IQSEC3: variants seen among roughly 807,000 people sequenced by gnomAD.
IQSEC3 encodes the protein IQ motif and SEC7 domain-containing protein 3.
A neutral mutation model predicts 105.4 loss-of-function variants in IQSEC3; 50 were observed. That is an observed-to-expected ratio of 0.47 (90% CI 0.38 to 0.60). The LOEUF is 0.60. Ranked by LOEUF, IQSEC3 falls within the 20% of genes least tolerant of loss-of-function variation. The pLI, the probability that IQSEC3 is intolerant of heterozygous loss-of-function variation, is 0.00. For synonymous variants in IQSEC3, 708 were observed against 746.0 expected, an observed-to-expected ratio of 0.95 and a Z score of 0.83; for missense variants, 1,415 against 1,630.0, an observed-to-expected ratio of 0.87 and a Z score of 2.27.
At position 138,719 on chromosome 12, in the gene IQSEC3, G is replaced by A. The variant is rs1565425990; in HGVS notation, c.1356G>A (p.Glu452=). The A allele has an allele frequency of 1.3e-6, 2 of 1,503,682 alleles. No individual in the cohort carries two copies. Among genetic ancestry groups the A allele is most frequent in the East Asian group, 2.5e-5 (1 of 40,354 alleles). 93.1% of individuals were successfully genotyped at this position (1,503,682 alleles called of 1,614,324 possible). Residue 452 remains glutamate, a synonymous_variant, in exon 4 of 14, where the codon GAG becomes GAA. Transcript: ENST00000538872. This position sits in a 1 kb window ranked among gnomAD's most constrained non-coding sequence, Gnocchi z 7.1. The part of the protein sequence containing the change: ...AAAGPPGLEA[E]GRAPESAGPG... ...CGGGGCCCCCAGGCCTGGAGGCCGA[G>A]GGGCGGGCGCCGGAGAGCGCGGGCC...
chr12:69,837 G>A (rs1863241337), intron 1 of IQSEC3, among the ~76,000 whole-genome samples: 1 of 152,234 alleles, frequency 6.6e-6, no homozygotes, highest in African/African-American at 2.4e-5. Flanking sequence ...TCTGCCCGTG[G>A]CCCGTTTTGT....
intron 7 of IQSEC3, among the ~76,000 whole-genome samples, chr12:161,038 C>T (rs568315729): frequency 2.8e-4 from 42 of 152,280 alleles, no homozygotes; most frequent in African/African-American, 9.4e-4. Context: ...TCCTTGGCTG[C>T]TGCATGGCTC....
At chr12:136,395 C>G (rs533590092) in intron 3 of IQSEC3, among the ~76,000 whole-genome samples, 1 of 152,116 alleles carries the variant, frequency 6.6e-6, no homozygotes, top group Admixed American at 6.5e-5. Context: ...CCTCTGCTAG[C>G]GTGGAATGGG....
At chr12:133,191 C>T (rs1323493502) in intron 3 of IQSEC3, among the ~76,000 whole-genome samples, 1 of 152,208 alleles carries the variant, frequency 6.6e-6, no homozygotes, top group Non-Finnish European at 1.5e-5. Context: ...ACACAGCTCC[C>T]TTCTTAATTC....
chr12:163,834 A>T (rs1362015670), intron 9 of IQSEC3, among the ~76,000 whole-genome samples: 3 of 151,934 alleles, frequency 2.0e-5, no homozygotes, highest in African/African-American at 7.3e-5. Flanking sequence ...ATAAGTCATG[A>T]CACCGAGACG....
intron 2 of IQSEC3, among the ~76,000 whole-genome samples, chr12:103,258 G>A (rs1405674861): frequency 6.6e-6 from 1 of 151,006 alleles, no homozygotes; most frequent in East Asian, 2.0e-4. Context: ...TTGTCTCAAG[G>A]GTGATAATGG....
chr12:154,064 A>G (rs1053372199), intron 5 of IQSEC3, among the ~76,000 whole-genome samples: 1 of 152,118 alleles, frequency 6.6e-6, no homozygotes, highest in Non-Finnish European at 1.5e-5. Context: ...TCCACAGCCC[A>G]AGTGTCCACC....
chr12:142,865 C>T (rs1866089010), intron 5 of IQSEC3, among the ~76,000 whole-genome samples: 1 of 152,204 alleles, frequency 6.6e-6, no homozygotes, highest in South Asian at 2.1e-4. Flanking sequence ...ACTGTTGTCC[C>T]AGTCCATCCC....
intron 7 of IQSEC3, among the ~76,000 whole-genome samples, chr12:159,006 T>C (rs183602208): frequency 3.3e-4 from 50 of 152,208 alleles, no homozygotes; most frequent in Non-Finnish European, 5.7e-4. Flanking sequence ...TTCCCCATTA[T>C]AGAATGTAAG....
At chr12:123,822 G>A (rs979945889) in intron 2 of IQSEC3, among the ~76,000 whole-genome samples, 5 of 152,138 alleles carry the variant, frequency 3.3e-5, no homozygotes, top group Non-Finnish European at 7.4e-5. Context: ...CCTGCACCAG[G>A]GCCACCCCAC....
rs763302079 is a variant in IQSEC3, at chr12:175,994, T to G, written c.*961T>G. 7.0e-6 allele frequency: 1 copy of G among 142,184 alleles called. No homozygotes were observed. Among genetic ancestry groups the G allele is most frequent in the Non-Finnish European group, 1.5e-5 (1 of 67,968 alleles). 8.8% of individuals were successfully genotyped at this position (142,184 alleles called of 1,614,324 possible). On this transcript the variant is annotated 3_prime_UTR_variant, in exon 14 of 14. Transcript: ENST00000538872. ...GGCAGGGCTCCCTCCTGCATGAGGC[T>G]CGGCCCGAGGCAGGGCTCCCTCCTG...
chr12:105,318 C>T (rs1169713958), intron 2 of IQSEC3, among the ~76,000 whole-genome samples: 2 of 152,230 alleles, frequency 1.3e-5, no homozygotes, highest in African/African-American at 4.8e-5. Context: ...AGCATCTTGC[C>T]CGCTGGCAGG....
At position 176,999 on chromosome 12, in the gene IQSEC3, T is replaced by C. The variant is rs1057235293; in HGVS notation, c.*1966T>C. 6.6e-6 allele frequency: 1 copy of C among 151,984 alleles called. No homozygotes were observed. Among genetic ancestry groups the C allele is most frequent in the Non-Finnish European group, 1.5e-5 (1 of 68,032 alleles). The allele number at this position is 151,984 out of a possible 1,614,324, so 9.4% of individuals were successfully genotyped here. On this transcript the variant is annotated 3_prime_UTR_variant, in exon 14 of 14. Coordinates refer to ENST00000538872, the MANE Select transcript of IQSEC3 (RefSeq NM_001170738.2). The surrounding 1 kb of genome is among the most constrained non-coding windows in gnomAD (Gnocchi z 4.0). The stretch of plus-strand genomic sequence containing the variant: ...GAATCAAAATGAGGGAAGCTGAAAA[T>C]AGAATGAAAACGATGACTAAGAGGC...
chr12:76,273 T>C (rs1362236315), intron 1 of IQSEC3, among the ~76,000 whole-genome samples: 2 of 152,226 alleles, frequency 1.3e-5, no homozygotes, highest in Admixed American at 6.5e-5. Flanking sequence ...AGCACCCAGA[T>C]TCCAGGCCCC....
intron 5 of IQSEC3, among the ~76,000 whole-genome samples, chr12:146,371 T>C (rs370944946): frequency 6.6e-6 from 1 of 152,160 alleles, no homozygotes; most frequent in African/African-American, 2.4e-5. Flanking sequence ...GTCGCAGCAC[T>C]TTGGGAGGCC....
At chr12:142,734 G>C (rs1866081632) in intron 5 of IQSEC3, 1 of 152,302 alleles carries the variant, frequency 6.6e-6, no homozygotes, top group African/African-American at 2.4e-5. Flanking sequence ...TGCTGTGGGG[G>C]CCCATGGAGG....
At chr12:155,092 G>A (rs184719132) in intron 5 of IQSEC3, among the ~76,000 whole-genome samples, 1 of 152,212 alleles carries the variant, frequency 6.6e-6, no homozygotes, top group African/African-American at 2.4e-5. Context: ...GATGGGCTGG[G>A]CTACAGGAAC....
In IQSEC3 at chr12:152,881, G is replaced by A. The variant is rs782742822; in HGVS notation, c.2154-4144G>A. Among the ~76,000 whole-genome samples, 1 of 152,172 alleles carries A rather than the reference G, an allele frequency of 6.6e-6. No homozygotes were observed. Among genetic ancestry groups the A allele is most frequent in the Non-Finnish European group, 1.5e-5 (1 of 68,030 alleles). On this transcript the variant is annotated intron_variant, in intron 5 of 13. Transcript: ENST00000538872. The surrounding 1 kb of genome is among the most constrained non-coding windows in gnomAD (Gnocchi z 4.8). ...ACACCAGAAAAGACCACCCGGGAATGTGTGGTGCTCTTTACCTTAAAGATG... is the reference window on the plus strand; with the variant it reads ...ACACCAGAAAAGACCACCCGGGAATATGTGGTGCTCTTTACCTTAAAGATG...
intron 1 of IQSEC3, among the ~76,000 whole-genome samples, chr12:87,367 T>G (rs782382336): frequency 1.3e-5 from 2 of 152,172 alleles, no homozygotes; most frequent in Non-Finnish European, 2.9e-5. Context: ...AGAACACTTC[T>G]CTGAAAGTCA....
Sources: gnomAD v4.1 joint callset for allele counts (sites outside exome capture counted in the v4.1 genomes callset) on GRCh38, gnomAD v4.1.1 for gene constraint, Gnocchi (gnomAD v3.1) non-coding constraint, MANE v1.5 for transcripts, NCBI Gene and HGNC (gene_info 2026-07-23, HGNC 2026-07-21) for gene names.